STK32B: variants seen among roughly 807,000 people sequenced by gnomAD.
The protein encoded by STK32B is serine/threonine-protein kinase 32B.
Under a neutral mutation model 52.6 loss-of-function variants are expected in STK32B, and 43 were observed. The observed-to-expected ratio is 0.82, with a 90% CI of 0.64 to 1.05. The LOEUF (loss-of-function observed/expected upper bound fraction) is 1.05. Among genes scored for constraint, STK32B ranks in the 50% least tolerant of loss-of-function variants. The pLI is 0.00. For missense variants in STK32B, 621 were observed against 534.6 expected (o/e 1.16, Z -1.59); for synonymous variants, 238 against 204.3 (o/e 1.17, Z -1.41).
chr4:5,352,785 C>T (rs552077316), intron 4 of STK32B, among the ~76,000 whole-genome samples: 18 of 151,924 alleles, frequency 1.2e-4, no homozygotes, highest in South Asian at 1.0e-3. Context: ...TCATCAGTTT[C>T]GATTCATCAA....
chr4:5,337,508 C>T (rs74519577), intron 4 of STK32B, among the ~76,000 whole-genome samples: 2,090 of 152,106 alleles, frequency 0.014, 30 homozygotes, highest in East Asian at 0.075. Context: ...AGCAGATAGG[C>T]GTAGGAAAAC....
chr4:5,293,385 A>C (rs1729006218), intron 3 of STK32B, among the ~76,000 whole-genome samples: 1 of 152,098 alleles, frequency 6.6e-6, no homozygotes, highest in Non-Finnish European at 1.5e-5. Flanking sequence ...ACAATGGTTT[A>C]ACTAATTTTC....
At chr4:5,373,902 A>G (rs1354114499) in intron 4 of STK32B, among the ~76,000 whole-genome samples, 4 of 152,224 alleles carry the variant, frequency 2.6e-5, no homozygotes, top group African/African-American at 9.6e-5. Flanking sequence ...CTGTAATTGA[A>G]TTGTGTTCCC....
At chr4:5,177,344 C>G (rs985350356) in intron 3 of STK32B, among the ~76,000 whole-genome samples, 1 of 152,130 alleles carries the variant, frequency 6.6e-6, no homozygotes, top group Non-Finnish European at 1.5e-5. Flanking sequence ...CTCAGTATCA[C>G]CAGAACAGCA....
In STK32B at chr4:5,378,826, C is replaced by T. The variant is rs1025865629; in HGVS notation, c.435-19381C>T. 1.1e-4 allele frequency among the ~76,000 whole-genome samples: 17 copies of T among 152,136 alleles called. No individual in the cohort carries two copies. Among genetic ancestry groups the T allele is most frequent in the African/African-American group, 3.6e-4 (15 of 41,428 alleles). On this transcript the variant is annotated intron_variant, in intron 4 of 11. Coordinates refer to ENST00000282908, the MANE Select transcript of STK32B (RefSeq NM_018401.3). This position sits in a 1 kb window ranked among gnomAD's most constrained non-coding sequence, Gnocchi z 4.4. ...TTCTTGGAGCCCCATCCCGAAGACT[C>T]GGGCTTCACTGCTGACTGGGGCTTG...
chr4:5,245,817 C>T (rs1048640021), intron 3 of STK32B, among the ~76,000 whole-genome samples: 6 of 152,164 alleles, frequency 3.9e-5, no homozygotes, highest in Admixed American at 6.5e-5. Flanking sequence ...TATTTTATTT[C>T]TCCTTCACTT....
chr4:5,072,367 T>C (rs1248637185), intron 1 of STK32B, among the ~76,000 whole-genome samples: 1 of 152,160 alleles, frequency 6.6e-6, no homozygotes, highest in Non-Finnish European at 1.5e-5. Flanking sequence ...CCTCAGTCTT[T>C]CCTACTTCAG....
intron 6 of STK32B, among the ~76,000 whole-genome samples, chr4:5,436,208 T>C (rs1258014484): frequency 2.0e-5 from 3 of 152,192 alleles, no homozygotes; most frequent in Non-Finnish European, 4.4e-5. Flanking sequence ...GTCAAATACA[T>C]TTCCAAGCCA....
chr4:5,427,320 C>G (rs2109086147), intron 6 of STK32B, among the ~76,000 whole-genome samples: 1 of 151,616 alleles, frequency 6.6e-6, no homozygotes, highest in Non-Finnish European at 1.5e-5. Context: ...ATATTTACAT[C>G]TAGGTTCTTG....
chr4:5,446,043 C>G (rs1035111409), intron 6 of STK32B, among the ~76,000 whole-genome samples: 1 of 152,190 alleles, frequency 6.6e-6, no homozygotes, highest in Admixed American at 6.5e-5. Context: ...CACCCGTTCT[C>G]CCAGCAAACA....
chr4:5,482,634 G>A (rs1234634835), intron 11 of STK32B, among the ~76,000 whole-genome samples: 6 of 152,144 alleles, frequency 3.9e-5, no homozygotes, highest in South Asian at 2.1e-4. Context: ...TTGAATAGGA[G>A]TAGTGAGAGA....
the STK32B span, among the ~76,000 whole-genome samples, chr4:5,032,769 T>C: frequency 3.9e-5 from 6 of 152,166 alleles, no homozygotes; most frequent in Non-Finnish European, 7.3e-5. Flanking sequence ...GCTGAAACTC[T>C]GTCCCCATTA....
At position 5,357,784 on chromosome 4, in the gene STK32B, CAG is replaced by C. The variant is rs746346753; in HGVS notation, c.434+26392_434+26393del. On this transcript the variant is annotated intron_variant, in intron 4 of 11. Transcript: ENST00000282908. ...TAATGAGATAGTAATAATTAGTAAACAGGGGGAAAACTGATAACCTATTTTTG... is the reference window on the plus strand; with the variant it reads ...TAATGAGATAGTAATAATTAGTAAACGGGGAAAACTGATAACCTATTTTTG... Among the ~76,000 whole-genome samples, 57 of 151,848 alleles carry C rather than the reference CAG, an allele frequency of 3.8e-4. 1 individual carries two copies. In the Middle Eastern group the frequency reaches 0.014, roughly 36 times the overall value.
intron 11 of STK32B, among the ~76,000 whole-genome samples, chr4:5,487,885 C>T (rs1719368321): frequency 6.6e-6 from 1 of 152,160 alleles, no homozygotes; most frequent in Admixed American, 6.6e-5. Context: ...GTGGCCCACA[C>T]ATGAGGCATG....
chr4:5,280,699 A>T (rs1728134875), intron 3 of STK32B, among the ~76,000 whole-genome samples: 1 of 152,096 alleles, frequency 6.6e-6, no homozygotes, highest in South Asian at 2.1e-4. Flanking sequence ...GTTCAAAACC[A>T]GCCTGGCCAA....
chr4:5,474,916 G>A lies in STK32B; in HGVS notation c.1106+6846G>A, dbSNP rs550256660. ...GTGGAGGGGAGGGAAGAGCTCAGGC[G>A]ATTGAGCAAGGCAGGGCCGAGCTTC... On this transcript the variant is annotated intron_variant, in intron 11 of 11. Transcript: ENST00000282908. Among the ~76,000 whole-genome samples, 6 of 152,280 alleles carry A rather than the reference G, an allele frequency of 3.9e-5. No homozygotes were observed. The East Asian group carries it at 5.8e-4, about 15-fold the overall frequency.
At chr4:5,412,553 C>T (rs941618863) in intron 5 of STK32B, among the ~76,000 whole-genome samples, 3 of 152,142 alleles carry the variant, frequency 2.0e-5, no homozygotes, top group Non-Finnish European at 2.9e-5. Context: ...TGACCCAGCT[C>T]TGTAGGAGGA....
the STK32B span, among the ~76,000 whole-genome samples, chr4:5,028,051 T>G: frequency 6.6e-6 from 1 of 152,156 alleles, no homozygotes; most frequent in African/African-American, 2.4e-5. Flanking sequence ...TTCAGTGAGG[T>G]TTCTTTCTGT....
At chr4:5,325,123 A>G (rs764407856) in intron 3 of STK32B, among the ~76,000 whole-genome samples, 1 of 152,172 alleles carries the variant, frequency 6.6e-6, no homozygotes, top group Non-Finnish European at 1.5e-5. Context: ...CATTGCTTCT[A>G]TGAAATTGGA....
Sources: allele counts gnomAD v4.1 joint callset (sites outside exome capture counted in the v4.1 genomes callset), GRCh38; gene constraint gnomAD v4.1.1; non-coding constraint Gnocchi (gnomAD v3.1); transcripts MANE v1.5; gene names NCBI Gene and HGNC (gene_info 2026-07-23, HGNC 2026-07-21).